GALNT17: variants seen among roughly 807,000 people sequenced by gnomAD.
The protein encoded by GALNT17 is UDP-GalNAc:polypeptide N-acetylgalactosaminyltransferase-like 3.
In GALNT17, 29 loss-of-function variants were observed where a neutral mutation model predicts 63.7. That is an observed-to-expected ratio of 0.46 (90% CI 0.34 to 0.62). The LOEUF (loss-of-function observed/expected upper bound fraction) is 0.62, where lower values mean the gene tolerates loss of function less well. GALNT17 is among the 20% of genes least tolerant of loss of function. GALNT17 has a pLI of 0.01. For missense variants in GALNT17, 603 were observed against 799.6 expected (o/e 0.75, Z 2.97); for synonymous variants, 305 against 318.3 (o/e 0.96, Z 0.45).
chr7:71,622,691 T>C (rs1446450481), intron 6 of GALNT17, among the ~76,000 whole-genome samples: 1 of 152,184 alleles, frequency 6.6e-6, no homozygotes, highest in Non-Finnish European at 1.5e-5. Flanking sequence ...GCTGAGAGAC[T>C]GCTCTTCTGG....
intron 1 of GALNT17, among the ~76,000 whole-genome samples, chr7:71,136,737 G>A (rs1341988047): frequency 4.0e-5 from 6 of 151,708 alleles, no homozygotes; most frequent in Admixed American, 2.6e-4. Flanking sequence ...CTCCTGTTTC[G>A]GCCTCCCAAA....
intron 1 of GALNT17, among the ~76,000 whole-genome samples, chr7:71,217,138 G>A (rs1390987511): frequency 2.4e-5 from 3 of 126,372 alleles, no homozygotes; most frequent in Non-Finnish European, 5.0e-5. Flanking sequence ...TAATTTTTTC[G>A]TGTTTTGTTT....
At chr7:71,657,334 AAAAT>A (rs772133609) in intron 6 of GALNT17, among the ~76,000 whole-genome samples, 4 of 152,266 alleles carry the variant, frequency 2.6e-5, no homozygotes, top group Admixed American at 6.5e-5. Flanking sequence ...CATGTACTGA[AAAAT>A]AAATAAAGTA....
chr7:71,235,120 G>A (rs1256412036), intron 1 of GALNT17, among the ~76,000 whole-genome samples: 3 of 151,914 alleles, frequency 2.0e-5, no homozygotes, highest in African/African-American at 7.3e-5. Context: ...GTGTGGCATC[G>A]TGCGCCTGTA....
At chr7:71,580,208 G>A (rs567708520) in intron 6 of GALNT17, among the ~76,000 whole-genome samples, 45 of 113,456 alleles carry the variant, frequency 4.0e-4, no homozygotes, top group Non-Finnish European at 2.1e-5. Context: ...ATAGATGATT[G>A]ATGGATAGAT....
Position 71,606,698 on chromosome 7 carries a change from G to A in GALNT17, c.1080+35296G>A, listed in dbSNP as rs1404277819. On this transcript the variant is annotated intron_variant, in intron 6 of 10. Coordinates refer to ENST00000333538, the MANE Select transcript of GALNT17 (RefSeq NM_022479.3). Reference sequence around the variant, plus strand: ...TATTTCTTAGGAGGTCCTTGGTTTCGTTGGGTTTACTTCTGTCAGCATTAG... The same window carrying A: ...TATTTCTTAGGAGGTCCTTGGTTTCATTGGGTTTACTTCTGTCAGCATTAG... Among the ~76,000 whole-genome samples, 7 of 152,086 alleles carry A rather than the reference G, an allele frequency of 4.6e-5. No homozygotes were observed. The East Asian group carries it at 1.2e-3, about 25-fold the overall frequency.
At chr7:71,253,051 T>C (rs1383416839) in intron 1 of GALNT17, among the ~76,000 whole-genome samples, 2 of 152,208 alleles carry the variant, frequency 1.3e-5, no homozygotes, top group Non-Finnish European at 2.9e-5. Context: ...AACTTGAAAT[T>C]GACTATTCTT....
At chr7:71,657,051 T>G (rs564202340) in intron 6 of GALNT17, among the ~76,000 whole-genome samples, 1 of 152,208 alleles carries the variant, frequency 6.6e-6, no homozygotes, top group South Asian at 2.1e-4. Flanking sequence ...CAAACCTACT[T>G]ATGCCCGAAT....
At chr7:71,242,275 T>TC in intron 1 of GALNT17, among the ~76,000 whole-genome samples, 1 of 115,164 alleles carries the variant, frequency 8.7e-6, no homozygotes. Flanking sequence ...TCTTTTTCTT[T>TC]TTTTTTTTTT....
At chr7:71,158,072 G>A (rs1788269777) in intron 1 of GALNT17, among the ~76,000 whole-genome samples, 1 of 151,274 alleles carries the variant, frequency 6.6e-6, no homozygotes, top group Non-Finnish European at 1.5e-5. Context: ...ATTGTGAATA[G>A]TGCTGCAATA....
At chr7:71,502,451 C>T (rs1788196228) in intron 5 of GALNT17, among the ~76,000 whole-genome samples, 1 of 152,174 alleles carries the variant, frequency 6.6e-6, no homozygotes, top group Non-Finnish European at 1.5e-5. Flanking sequence ...TCAGATATGT[C>T]CTTCTTCACA....
chr7:71,303,221 A>G (rs1791232257), intron 1 of GALNT17, among the ~76,000 whole-genome samples: 1 of 151,710 alleles, frequency 6.6e-6, no homozygotes, highest in Admixed American at 6.6e-5. Context: ...CAGTGGTGAA[A>G]TCATGGCTCA....
intron 5 of GALNT17, among the ~76,000 whole-genome samples, chr7:71,431,169 C>G (rs778133153): frequency 2.4e-4 from 36 of 151,400 alleles, no homozygotes; most frequent in East Asian, 2.1e-3. Context: ...CTATTCGCTC[C>G]TCATTCTCAC....
chr7:71,290,656 A>G (rs1316133557), intron 1 of GALNT17, among the ~76,000 whole-genome samples: 1 of 152,164 alleles, frequency 6.6e-6, no homozygotes, highest in Non-Finnish European at 1.5e-5. Context: ...AATTTCGACA[A>G]AAGCATCAGT....
chr7:71,508,876 C>T (rs1481469974), intron 5 of GALNT17, among the ~76,000 whole-genome samples: 2 of 152,102 alleles, frequency 1.3e-5, no homozygotes, highest in African/African-American at 4.8e-5. Flanking sequence ...TTCAGAAGTT[C>T]CCAGGAAGGT....
At chr7:71,472,042 G>A (rs1787640865) in intron 5 of GALNT17, among the ~76,000 whole-genome samples, 1 of 152,050 alleles carries the variant, frequency 6.6e-6, no homozygotes, top group Admixed American at 6.6e-5. Context: ...CAGTTCTGGA[G>A]GCTGGGAAGT....
At chr7:71,461,277 T>C (rs771595012) in intron 5 of GALNT17, among the ~76,000 whole-genome samples, 2 of 152,216 alleles carry the variant, frequency 1.3e-5, no homozygotes, top group East Asian at 3.9e-4. Flanking sequence ...TTGGAAATAC[T>C]ATCTCCAGGA....
At chr7:71,519,588 C>A (rs145818290) in intron 5 of GALNT17, among the ~76,000 whole-genome samples, 7 of 152,262 alleles carry the variant, frequency 4.6e-5, no homozygotes, top group African/African-American at 1.7e-4. Flanking sequence ...CTCACCCTCC[C>A]GAGTAGCTGA....
chr7:71,572,504 TAAAAAAAAA>T (rs371372359), intron 6 of GALNT17, among the ~76,000 whole-genome samples: 3 of 44,502 alleles, frequency 6.7e-5, no homozygotes, highest in African/African-American at 1.0e-4. Context: ...CCTGTCTCAT[TAAAAAAAAA>T]AAAAAAAAAA....
Sources: gnomAD v4.1 joint callset for allele counts (sites outside exome capture counted in the v4.1 genomes callset) on GRCh38, gnomAD v4.1.1 for gene constraint, MANE v1.5 for transcripts, NCBI Gene and HGNC (gene_info 2026-07-23, HGNC 2026-07-21) for gene names.